AIG1: variants seen among roughly 807,000 people sequenced by gnomAD.
AIG1 encodes the protein androgen induced 1.
AIG1 carries 23 observed loss-of-function variants against 31.4 expected under a neutral mutation model. The ratio of observed to expected loss-of-function variants is 0.73; its 90% CI spans 0.53 to 1.04. The LOEUF is 1.04. Ranked by LOEUF, AIG1 falls within the 50% of genes least tolerant of loss-of-function variation. AIG1 has a pLI of 0.00. For missense variants in AIG1, 274 were observed against 295.0 expected (o/e 0.93, Z 0.52); for synonymous variants, 100 against 110.5 (o/e 0.90, Z 0.60).
At chr6:143,226,565 A>G (rs1472671319) in intron 3 of AIG1, among the ~76,000 whole-genome samples, 1 of 152,092 alleles carries the variant, frequency 6.6e-6, no homozygotes, top group Admixed American at 6.6e-5. Context: ...TTTTAATTCA[A>G]GAGATCTTTT....
At chr6:143,261,461 C>T (rs1795777149) in intron 3 of AIG1, among the ~76,000 whole-genome samples, 1 of 152,186 alleles carries the variant, frequency 6.6e-6, no homozygotes, top group South Asian at 2.1e-4. Context: ...TGGCATTTTC[C>T]AGCCCCTGCA....
intron 1 of AIG1, among the ~76,000 whole-genome samples, chr6:143,068,274 A>G (rs906564472): frequency 3.9e-5 from 6 of 152,356 alleles, no homozygotes; most frequent in African/African-American, 1.2e-4. Context: ...CAAGAACAAC[A>G]GTACAATTTT....
At chr6:143,311,023 A>G (rs1010392653) in intron 4 of AIG1, among the ~76,000 whole-genome samples, 7 of 151,986 alleles carry the variant, frequency 4.6e-5, no homozygotes, top group Admixed American at 4.6e-4. Context: ...CATTTAAGGA[A>G]GAAATGATAC....
chr6:143,224,917 T>C (rs538221310), intron 3 of AIG1, among the ~76,000 whole-genome samples: 1 of 152,264 alleles, frequency 6.6e-6, no homozygotes, highest in South Asian at 2.1e-4. Context: ...TGAAACCACA[T>C]CTCTTAAACC....
chr6:143,123,855 T>C (rs576182030), intron 1 of AIG1, among the ~76,000 whole-genome samples: 4 of 152,342 alleles, frequency 2.6e-5, no homozygotes, highest in South Asian at 2.1e-4. Context: ...ACATTACTAA[T>C]AAATTAGCCC....
chr6:143,062,457 C>T (rs1048457409), intron 1 of AIG1, among the ~76,000 whole-genome samples: 5 of 152,180 alleles, frequency 3.3e-5, no homozygotes, highest in African/African-American at 1.2e-4. Context: ...CTGAGGTGTG[C>T]TTTTCTGTCT....
At chr6:143,259,887 A>T (rs1457719810) in intron 3 of AIG1, among the ~76,000 whole-genome samples, 1 of 152,146 alleles carries the variant, frequency 6.6e-6, no homozygotes, top group African/African-American at 2.4e-5. Context: ...GTTGCCTAAA[A>T]GTTTTAGTAT....
intron 3 of AIG1, among the ~76,000 whole-genome samples, chr6:143,252,725 A>G (rs1471663502): frequency 2.0e-5 from 3 of 152,230 alleles, no homozygotes; most frequent in Non-Finnish European, 2.9e-5. Flanking sequence ...GCTTAAAACA[A>G]CGCACATTTA....
intron 5 of AIG1, among the ~76,000 whole-genome samples, chr6:143,335,742 C>T (rs985741282): frequency 3.3e-5 from 5 of 151,788 alleles, no homozygotes; most frequent in Admixed American, 6.6e-5. Context: ...ATCACTTGAG[C>T]CCAGGAGTTC....
intron 3 of AIG1, among the ~76,000 whole-genome samples, chr6:143,240,725 A>T (rs531942635): frequency 1.3e-5 from 2 of 152,216 alleles, no homozygotes; most frequent in African/African-American, 2.4e-5. Context: ...AAATTACTAG[A>T]AAAATAAATT....
intron 1 of AIG1, among the ~76,000 whole-genome samples, chr6:143,072,789 G>T (rs1292658849): frequency 6.6e-6 from 1 of 152,138 alleles, no homozygotes; most frequent in African/African-American, 2.4e-5. Context: ...GATGTTATGG[G>T]ATATATTTAG....
intron 3 of AIG1, chr6:143,188,780 A>G (rs1296996441): frequency 3.0e-6 from 3 of 985,316 alleles, no homozygotes; most frequent in East Asian, 1.1e-4. Context: ...TGGGAAACAT[A>G]CATCTGTAAG....
intron 3 of AIG1, among the ~76,000 whole-genome samples, chr6:143,266,204 G>A (rs1466734081): frequency 2.0e-5 from 3 of 150,700 alleles, no homozygotes; most frequent in African/African-American, 5.0e-5. Flanking sequence ...AAAATTAGCC[G>A]AGCATGGTGG....
intron 1 of AIG1, among the ~76,000 whole-genome samples, chr6:143,080,296 TCCAG>T (rs1778114065): frequency 9.9e-5 from 15 of 152,162 alleles, no homozygotes; most frequent in Admixed American, 8.5e-4. Flanking sequence ...AGCAGGCCAG[TCCAG>T]GGGTCCGCGG....
At chr6:143,204,917 G>A (rs1369999547) in intron 3 of AIG1, among the ~76,000 whole-genome samples, 9 of 152,044 alleles carry the variant, frequency 5.9e-5, no homozygotes, top group African/African-American at 1.4e-4. Context: ...GAGGAGTTTC[G>A]CAAAATAAAA....
intron 5 of AIG1, among the ~76,000 whole-genome samples, chr6:143,336,327 G>A (rs2128725527): frequency 6.6e-6 from 1 of 152,272 alleles, no homozygotes; most frequent in Non-Finnish European, 1.5e-5. Flanking sequence ...ACTGCTGAAA[G>A]AGAGATTGGA....
chr6:143,074,381 T>A (rs1777554266), intron 1 of AIG1, among the ~76,000 whole-genome samples: 1 of 152,234 alleles, frequency 6.6e-6, no homozygotes, highest in Non-Finnish European at 1.5e-5. Context: ...GTTTCTGGCC[T>A]TACATTGATG....
chr6:143,174,799 T>C (rs1376706027), intron 3 of AIG1, among the ~76,000 whole-genome samples: 1 of 152,260 alleles, frequency 6.6e-6, no homozygotes, highest in East Asian at 1.9e-4. Context: ...ATTTAGGTCA[T>C]TTACCTTCAA....
rs1281453398 is a variant in AIG1, at chr6:143,288,554, A to T, written c.515+4329A>T. Among the ~76,000 whole-genome samples the T allele has an allele frequency of 3.9e-5, 6 of 152,226 alleles. No individual in the cohort carries two copies. Among genetic ancestry groups the T allele is most frequent in the African/African-American group, 1.4e-4 (6 of 41,452 alleles). On this transcript the variant is annotated intron_variant, in intron 4 of 5. Coordinates refer to ENST00000357847, the MANE Select transcript of AIG1 (RefSeq NM_016108.4). This position sits in a 1 kb window ranked among gnomAD's most constrained non-coding sequence, Gnocchi z 4.4. ...TGTCTCTGCACCCTAGTGGTTTTAA[A>T]CAAATTCCATATTCCAAATCTCATT...
Sources: allele counts gnomAD v4.1 joint callset (sites outside exome capture counted in the v4.1 genomes callset), GRCh38; gene constraint gnomAD v4.1.1; non-coding constraint Gnocchi (gnomAD v3.1); transcripts MANE v1.5; gene names NCBI Gene and HGNC (gene_info 2026-07-23, HGNC 2026-07-21).